SPEF2: variants seen among roughly 807,000 people sequenced by gnomAD.
SPEF2 encodes the protein sperm flagella and cilia-associated protein 2.
Under a neutral mutation model 224.6 loss-of-function variants are expected in SPEF2, and 187 were observed. The observed-to-expected ratio is 0.83, with a 90% CI of 0.74 to 0.94. The LOEUF (loss-of-function observed/expected upper bound fraction) is 0.94. Ranked by LOEUF, SPEF2 falls within the 40% of genes least tolerant of loss-of-function variation. The pLI, the probability that SPEF2 is intolerant of heterozygous loss-of-function variation, is 0.00. For synonymous variants in SPEF2, 715 were observed against 707.3 expected (o/e 1.01, Z -0.17); for missense variants, 2,170 against 2,135.6 (o/e 1.02, Z -0.32).
At chr5:35,673,341 T>C (rs1161576717) in intron 10 of SPEF2, among the ~76,000 whole-genome samples, 1 of 152,200 alleles carries the variant, frequency 6.6e-6, no homozygotes, top group Non-Finnish European at 1.5e-5. Context: ...GCAAATCCTT[T>C]CTGTGGGTCT....
chr5:35,762,096 G>T (rs1006837697), intron 25 of SPEF2, among the ~76,000 whole-genome samples: 1 of 152,044 alleles, frequency 6.6e-6, no homozygotes, highest in Admixed American at 6.5e-5. Flanking sequence ...CACAATGATA[G>T]TAATAACTCT....
intron 30 of SPEF2, chr5:35,789,336 T>G (rs1159287823): frequency 7.1e-6 from 5 of 703,408 alleles, no homozygotes; most frequent in Non-Finnish European, 1.3e-5. Flanking sequence ...TTTGCCACTT[T>G]AGAGTCAATG....
At position 35,659,153 on chromosome 5, in the gene SPEF2, A is replaced by G. The variant is rs749417616; in HGVS notation, c.1113A>G (p.Lys371=). The G allele has an allele frequency of 6.2e-6, 10 of 1,613,406 alleles. 1 individual carries two copies. In the South Asian group the frequency reaches 7.7e-5, roughly 12 times the overall value. ...VLWQNRIFRE[K]QHEERRLKDF... ...GGCAAAACAGAATTTTCAGAGAAAA[A>G]CAACATGAGGAAAGACGACTTAAAG... Residue 371 remains lysine (K), a synonymous_variant, in exon 8 of 37, where the codon AAA becomes AAG. Coordinates refer to ENST00000356031, the MANE Select transcript of SPEF2 (RefSeq NM_024867.4).
intron 7 of SPEF2, 33 bp downstream of exon 7, chr5:35,654,759 G>T: frequency 1.3e-6 from 2 of 1,566,088 alleles, no homozygotes; most frequent in Admixed American, 2.0e-5. Flanking sequence ...AAGTAATAGT[G>T]CTGGGAATTC....
At chr5:35,632,585 G>C (rs965975374) in intron 2 of SPEF2, among the ~76,000 whole-genome samples, 4 of 152,086 alleles carry the variant, frequency 2.6e-5, no homozygotes, top group African/African-American at 9.7e-5. Context: ...TGTTCTTATT[G>C]TCATTTCTGG....
intron 16 of SPEF2, among the ~76,000 whole-genome samples, chr5:35,703,305 G>A (rs1168703588): frequency 6.6e-6 from 1 of 152,130 alleles, no homozygotes; most frequent in Non-Finnish European, 1.5e-5. Flanking sequence ...AACTGGAGTT[G>A]TTAAGAGGCA....
chr5:35,670,689 T>A (rs115772897), intron 10 of SPEF2: 2 of 985,560 alleles, frequency 2.0e-6, no homozygotes, highest in Admixed American at 6.2e-5. Context: ...TATTCAAAGA[T>A]TGAAATAAAA....
At chr5:35,790,321 C>T in intron 30 of SPEF2, 1 of 589,240 alleles carries the variant, frequency 1.7e-6, no homozygotes, top group South Asian at 2.1e-5. Flanking sequence ...ACTGGTGACA[C>T]AAGATCTAAT....
At chr5:35,627,995 A>C (rs963945222) in intron 1 of SPEF2, among the ~76,000 whole-genome samples, 1 of 152,222 alleles carries the variant, frequency 6.6e-6, no homozygotes, top group Non-Finnish European at 1.5e-5. Context: ...AAATGGCTTT[A>C]GTAAACTTTC....
intron 30 of SPEF2, among the ~76,000 whole-genome samples, chr5:35,782,296 G>A (rs536708019): frequency 1.2e-4 from 19 of 152,298 alleles, no homozygotes; most frequent in African/African-American, 4.3e-4. Flanking sequence ...TGTTTCAAAT[G>A]TGTGATCCTG....
At chr5:35,726,653 T>G (rs969920210) in intron 20 of SPEF2, among the ~76,000 whole-genome samples, 40 of 152,338 alleles carry the variant, frequency 2.6e-4, no homozygotes, top group African/African-American at 8.9e-4. Context: ...AACAGCATTA[T>G]CATTAAATAA....
At chr5:35,779,977 T>C (rs58522285) in intron 30 of SPEF2, among the ~76,000 whole-genome samples, 7,543 of 152,256 alleles carry the variant, frequency 0.05, 539 homozygotes, top group African/African-American at 0.15. Context: ...CAATGAGTTC[T>C]GTCGATTGAT....
chr5:35,674,674 G>C, intron 10 of SPEF2, among the ~76,000 whole-genome samples: 1 of 151,726 alleles, frequency 6.6e-6, no homozygotes, highest in Non-Finnish European at 1.5e-5. Flanking sequence ...GATGGTTTAC[G>C]AAAACTAATC....
chr5:35,760,219 C>T lies in SPEF2; in HGVS notation c.3620+500C>T, dbSNP rs193085068. 1.4e-3 allele frequency among the ~76,000 whole-genome samples: 218 copies of T among 152,106 alleles called. 1 individual carries two copies. Among genetic ancestry groups the T allele is most frequent in the Non-Finnish European group, 2.3e-3 (158 of 67,986 alleles). On this transcript the variant is annotated intron_variant, in intron 25 of 36. Transcript: ENST00000356031. ...TACTAAAAATACAAAAAAAATTAGC[C>T]GGGCGTAGTGGCGGGCGCCTGTAGT...
chr5:35,729,495 A>C (rs989920747), intron 21 of SPEF2, among the ~76,000 whole-genome samples: 2 of 152,110 alleles, frequency 1.3e-5, no homozygotes, highest in Non-Finnish European at 2.9e-5. Flanking sequence ...CCAGGCACTA[A>C]GCAAGATGAA....
chr5:35,774,201 G>C (rs1465701943), intron 28 of SPEF2, among the ~76,000 whole-genome samples, 180 bp downstream of exon 28: 2 of 152,176 alleles, frequency 1.3e-5, no homozygotes, highest in African/African-American at 2.4e-5. Flanking sequence ...CTAGATTTGA[G>C]TGTTGCATGA....
intron 30 of SPEF2, chr5:35,788,816 C>G (rs1290580456): frequency 1.4e-6 from 1 of 702,940 alleles, no homozygotes; most frequent in Non-Finnish European, 2.6e-6. Context: ...GAACATTCCT[C>G]TGTACAATGA....
chr5:35,716,186 G>A (rs113312463), intron 20 of SPEF2, among the ~76,000 whole-genome samples: 6 of 151,918 alleles, frequency 3.9e-5, no homozygotes, highest in Admixed American at 1.3e-4. Flanking sequence ...TTCTCAAAGA[G>A]AATCTCACCC....
intron 7 of SPEF2, among the ~76,000 whole-genome samples, chr5:35,656,997 G>T (rs990484572): frequency 4.6e-5 from 7 of 152,178 alleles, no homozygotes; most frequent in African/African-American, 1.7e-4. Flanking sequence ...GTGGTGGAAT[G>T]GGAAATTCTT....
Sources: allele counts gnomAD v4.1 joint callset (sites outside exome capture counted in the v4.1 genomes callset), GRCh38; gene constraint gnomAD v4.1.1; transcripts MANE v1.5; gene names NCBI Gene and HGNC (gene_info 2026-07-23, HGNC 2026-07-21).